ALG12: variants seen among roughly 807,000 people sequenced by gnomAD.
ALG12 encodes dol-P-Man:Man(7)GlcNAc(2)-PP-Dol alpha-1,6-mannosyltransferase.
Under a neutral mutation model 46.0 loss-of-function variants are expected in ALG12, and 36 were observed. The observed-to-expected ratio is 0.78, with a 90% CI of 0.60 to 1.03. The LOEUF is 1.03. Among genes scored for constraint, ALG12 ranks in the 50% least tolerant of loss-of-function variants. ALG12 has a pLI of 0.00. For synonymous variants in ALG12, 326 were observed against 291.6 expected (o/e 1.12, Z -1.20); for missense variants, 599 against 633.5 (o/e 0.95, Z 0.58).
chr22:49,860,342 T>C, the ALG12 span, among the ~76,000 whole-genome samples: 1 of 152,212 alleles, frequency 6.6e-6, no homozygotes, highest in African/African-American at 2.4e-5. Context: ...TATATAGTTT[T>C]ACTTAATTTC....
downstream of ALG12, among the ~76,000 whole-genome samples, chr22:49,899,337 G>A (rs553141271): frequency 2.2e-4 from 33 of 152,158 alleles, no homozygotes; most frequent in South Asian, 2.3e-3. Flanking sequence ...AATTAGCCGG[G>A]CATGGTGGTG....
downstream of ALG12, among the ~76,000 whole-genome samples, chr22:49,899,090 G>C (rs1343350647): frequency 6.6e-6 from 1 of 152,124 alleles, no homozygotes; most frequent in Non-Finnish European, 1.5e-5. Context: ...AGGAGTTTGA[G>C]ACTAGCCTAG....
the ALG12 span, among the ~76,000 whole-genome samples, chr22:49,876,559 C>T: frequency 1.5e-4 from 22 of 151,520 alleles, no homozygotes; most frequent in African/African-American, 3.9e-4. Context: ...AATCTTTACC[C>T]GGTATTAATG....
At chr22:49,911,595 C>T (rs1446513290) in intron 3 of ALG12, among the ~76,000 whole-genome samples, 4 of 152,094 alleles carry the variant, frequency 2.6e-5, no homozygotes, top group Non-Finnish European at 4.4e-5. Flanking sequence ...CCAACACGCC[C>T]GGCTAATTTT....
At chr22:49,898,530 C>G (rs9627785), downstream of ALG12, among the ~76,000 whole-genome samples, 8,231 of 151,950 alleles carry the variant, frequency 0.054, 583 homozygotes, top group African/African-American at 0.17. Context: ...CCTGGGATTA[C>G]AGGTGCCCGC....
chr22:49,898,778 G>A (rs893760473), downstream of ALG12, among the ~76,000 whole-genome samples: 2 of 152,016 alleles, frequency 1.3e-5, no homozygotes, highest in African/African-American at 4.8e-5. Context: ...AAGAGATAGG[G>A]GTCTCTCTCC....
At chr22:49,910,643 T>A (rs768452610) in intron 3 of ALG12, 36 bp from the exon 4 acceptor site, 1 of 1,613,636 alleles carries the variant, frequency 6.2e-7, no homozygotes, top group South Asian at 1.1e-5. Flanking sequence ...GAGCCTGCAG[T>A]GGAGGAGTAT....
At position 49,910,342 on chromosome 22, in the gene ALG12, C is replaced by T. The variant is rs7510834; in HGVS notation, c.469+92G>A. ...GGAACCCAGTGGGGAATGGCCATTA[C>T]GGGGGAGGCACTGCCATCAGCTGCA... On this transcript the variant is annotated intron_variant, in intron 4 of 9. Transcript: ENST00000330817. 150,048 of 1,498,064 alleles carry T rather than the reference C, an allele frequency of 0.1. 8,035 individuals carry two copies. The highest frequency in any genetic ancestry group is 0.13 in the South Asian group (10,732 of 83,590). 92.8% of individuals were successfully genotyped at this position (1,498,064 alleles called of 1,614,324 possible).
At chr22:49,916,485 G>A (rs1210423476) in intron 1 of ALG12, among the ~76,000 whole-genome samples, 5 of 151,990 alleles carry the variant, frequency 3.3e-5, no homozygotes, top group Admixed American at 3.3e-4. Context: ...GAAGGCAGAG[G>A]AGGAGAATTG....
At chr22:49,880,454 C>T in the ALG12 span, among the ~76,000 whole-genome samples, 3 of 152,260 alleles carry the variant, frequency 2.0e-5, no homozygotes, top group African/African-American at 7.2e-5. Context: ...GACTCCCCGC[C>T]CCGCAGCCTG....
At chr22:49,886,200 G>A in the ALG12 span, 2 of 772,762 alleles carry the variant, frequency 2.6e-6, no homozygotes, top group African/African-American at 3.4e-5. The surrounding 1 kb of genome is among the most constrained non-coding windows in gnomAD (Gnocchi z 7.7). Flanking sequence ...AGCGGATGGT[G>A]CAGAACCTGC....
intron 3 of ALG12, among the ~76,000 whole-genome samples, chr22:49,912,145 C>A (rs2060581974): frequency 1.3e-5 from 2 of 150,596 alleles, no homozygotes; most frequent in East Asian, 1.9e-4. Flanking sequence ...ACCCTCGGCC[C>A]CGGGATCACC....
the ALG12 span, among the ~76,000 whole-genome samples, chr22:49,890,878 G>T: frequency 2.0e-5 from 3 of 152,124 alleles, no homozygotes; most frequent in African/African-American, 7.2e-5. Flanking sequence ...AAAATTAGCT[G>T]GGCGTGGTGG....
chr22:49,912,523 C>T (rs552296368), intron 3 of ALG12, among the ~76,000 whole-genome samples: 40 of 152,300 alleles, frequency 2.6e-4, no homozygotes, highest in Admixed American at 6.5e-5. Flanking sequence ...CAGCTGTCCC[C>T]GTGCCATGGT....
At chr22:49,878,854 C>T in the ALG12 span, among the ~76,000 whole-genome samples, 1 of 151,778 alleles carries the variant, frequency 6.6e-6, no homozygotes, top group Non-Finnish European at 1.5e-5. Context: ...AAAAAATGAG[C>T]CGGGAGTGGG....
At chr22:49,868,069 G>A in the ALG12 span, among the ~76,000 whole-genome samples, 6 of 152,164 alleles carry the variant, frequency 3.9e-5, no homozygotes, top group African/African-American at 1.4e-4. Context: ...TTGCAGGTTC[G>A]TAGGTTGAAC....
the ALG12 span, among the ~76,000 whole-genome samples, chr22:49,866,024 T>G: frequency 2.6e-5 from 4 of 152,172 alleles, no homozygotes; most frequent in Non-Finnish European, 4.4e-5. Flanking sequence ...CTTTTTTCCT[T>G]GAATGTCTTA....
rs2060539413 is a variant in ALG12 at position 49,905,886 on chromosome 22, T to A, written c.993-1380A>T. On this transcript the variant is annotated intron_variant, in intron 7 of 9. Transcript: ENST00000330817. This position sits in a 1 kb window ranked among gnomAD's most constrained non-coding sequence, Gnocchi z 4.9. ...GTGCCTGCCCCAAAGAGCTCAGCAC[T>A]GCCAGGGCGTTCGTCCTTTGTTCCC... Among the ~76,000 whole-genome samples, 1 of 152,190 alleles carries A rather than the reference T, an allele frequency of 6.6e-6. No homozygotes were observed. The highest frequency in any genetic ancestry group is 2.1e-4 in the South Asian group (1 of 4,836).
At chr22:49,883,567 G>A in the ALG12 span, 55 of 1,418,836 alleles carry the variant, frequency 3.9e-5, no homozygotes, top group East Asian at 7.1e-4. Context: ...GAATTATGAC[G>A]AAAAAGTGAA....
Sources: gnomAD v4.1 joint callset for allele counts (sites outside exome capture counted in the v4.1 genomes callset) on GRCh38, gnomAD v4.1.1 for gene constraint, Gnocchi (gnomAD v3.1) non-coding constraint, MANE v1.5 for transcripts, NCBI Gene and HGNC (gene_info 2026-07-23, HGNC 2026-07-21) for gene names.